The following ARHGAP17 variants were observed in gnomAD, a reference collection of about 807,000 sequenced individuals.
ARHGAP17 encodes rho GTPase-activating protein 17.
A neutral mutation model predicts 99.5 loss-of-function variants in ARHGAP17; 57 were observed. The ratio of observed to expected loss-of-function variants is 0.57; its 90% CI spans 0.46 to 0.71. The LOEUF (loss-of-function observed/expected upper bound fraction) is 0.71, where lower values mean the gene tolerates loss of function less well. Ranked by LOEUF, ARHGAP17 falls within the 30% of genes least tolerant of loss-of-function variation. The pLI is 0.00. For synonymous variants in ARHGAP17, 417 were observed against 429.6 expected, an observed-to-expected ratio of 0.97 and a Z score of 0.36; for missense variants, 1,000 against 1,122.4, an observed-to-expected ratio of 0.89 and a Z score of 1.56.
At chr16:24,951,073 G>A (rs1244878757) in intron 12 of ARHGAP17, among the ~76,000 whole-genome samples, 4 of 152,094 alleles carry the variant, frequency 2.6e-5, no homozygotes, top group Admixed American at 6.5e-5. Flanking sequence ...GAGAGGAGGG[G>A]AGTCAGCGCC....
Position 24,935,497 on chromosome 16 carries a change from C to T in ARHGAP17, c.1867G>A (p.Gly623Arg). 6.2e-7 allele frequency: 1 copy of T among 1,609,808 alleles called. No individual in the cohort carries two copies. The highest frequency in any genetic ancestry group is 8.5e-7 in the Non-Finnish European group (1 of 1,178,134). The change falls in exon 18 of 20, where the codon GGG (glycine) becomes AGG (arginine). Residue 623 changes from glycine (G) to arginine (R), a missense_variant. By Grantham distance (125) the Gly-to-Arg change is moderately radical. Coordinates refer to ENST00000289968, the MANE Select transcript of ARHGAP17 (RefSeq NM_001006634.3). Reference protein sequence around the residue: ...LSMGQPHNAAGPSPHTLRRAV... With the variant: ...LSMGQPHNAARPSPHTLRRAV... ...CGGCGCAGTGTATGCGGGCTGGGCC[C>T]TGCAGCATTGTGAGGTTGGCCCATG... is the stretch of plus-strand genomic sequence containing the variant.
intron 10 of ARHGAP17, among the ~76,000 whole-genome samples, chr16:24,953,798 A>G: frequency 6.6e-6 from 1 of 152,192 alleles, no homozygotes; most frequent in African/African-American, 2.4e-5. Context: ...GATGATCCAA[A>G]ATACCTCCAG....
chr16:24,947,378 C>T (rs764609398), intron 14 of ARHGAP17, 104 bp downstream of exon 14: 292 of 1,056,990 alleles, frequency 2.8e-4, no homozygotes, highest in Non-Finnish European at 3.9e-4. Flanking sequence ...TTCAGAATAC[C>T]TTGAATTGAT....
Position 24,953,024 on chromosome 16 carries a change from C to T in ARHGAP17, c.871G>A (p.Ala291Thr). The change falls in exon 11 of 20, where the codon GCT becomes ACT. Residue 291 changes from alanine to threonine, a missense_variant. This residue lies in a region of ARHGAP17 where 472 missense variants were observed against 611.1 expected (regional missense o/e 0.77). Transcript: ENST00000289968. ...MKEEGLFRIG[A>T]GASKLKKLKA... is the part of the protein sequence containing the mutation. The stretch of plus-strand genomic sequence containing the variant: ...AGCTTCTTTAACTTGGAGGCCCCAG[C>T]CCCAATTCGGAAAAGGCCCTAAAGA... The T allele has an allele frequency of 6.2e-7, 1 of 1,614,170 alleles. No homozygotes were observed. The highest frequency in any genetic ancestry group is 1.1e-5 in the South Asian group (1 of 91,072).
intron 1 of ARHGAP17, among the ~76,000 whole-genome samples, chr16:25,008,866 T>A (rs2053573201): frequency 6.6e-6 from 1 of 152,218 alleles, no homozygotes; most frequent in African/African-American, 2.4e-5. Flanking sequence ...AAAGAATGGA[T>A]TTTCACTCAA....
chr16:24,969,584 C>T (rs985375515), intron 4 of ARHGAP17, among the ~76,000 whole-genome samples: 1 of 152,164 alleles, frequency 6.6e-6, no homozygotes, highest in Non-Finnish European at 1.5e-5. Context: ...CTGATATGAC[C>T]TACCTCCTAG....
chr16:24,984,277 C>T (rs899455643), intron 1 of ARHGAP17, among the ~76,000 whole-genome samples: 1 of 152,178 alleles, frequency 6.6e-6, no homozygotes, highest in Non-Finnish European at 1.5e-5. Flanking sequence ...CTACCGTCCT[C>T]CTCCCTGCTA....
At chr16:24,952,128 T>A (rs572445190) in intron 12 of ARHGAP17, among the ~76,000 whole-genome samples, 161 bp downstream of exon 12, 1 of 152,222 alleles carries the variant, frequency 6.6e-6, no homozygotes. Flanking sequence ...TTATAATACT[T>A]GATATTTTTA....
intron 3 of ARHGAP17, among the ~76,000 whole-genome samples, chr16:24,971,473 T>A (rs2052360904): frequency 6.6e-6 from 1 of 152,002 alleles, no homozygotes; most frequent in Non-Finnish European, 1.5e-5. Flanking sequence ...ATTATGGGCA[T>A]GCACCACTTA....
chr16:24,956,412 G>A (rs1048353254), intron 9 of ARHGAP17: 5 of 152,218 alleles, frequency 3.3e-5, no homozygotes, highest in Non-Finnish European at 5.9e-5. Flanking sequence ...TACTGCAGGA[G>A]GCATGTAAAG....
chr16:24,978,343 T>C (rs35846380), intron 2 of ARHGAP17, among the ~76,000 whole-genome samples: 14 of 152,210 alleles, frequency 9.2e-5, no homozygotes, highest in Non-Finnish European at 2.1e-4. Context: ...TTAATATTCG[T>C]TGAGAGGGCC....
chr16:25,007,232 C>A (rs776670964), intron 1 of ARHGAP17, among the ~76,000 whole-genome samples: 2 of 152,150 alleles, frequency 1.3e-5, no homozygotes, highest in Non-Finnish European at 2.9e-5. Flanking sequence ...AAGTGCTTAT[C>A]AACTTCTTTA....
chr16:24,982,984 ATATATATATATATTTTTT>A (rs1367955715), intron 1 of ARHGAP17, among the ~76,000 whole-genome samples: 54 of 28,012 alleles, frequency 1.9e-3, no homozygotes, highest in African/African-American at 6.0e-3. Context: ...ATATATATAT[ATATATATATATATTTTTT>A]TTTTTTTTTT....
At position 24,920,371 on chromosome 16, in the gene ARHGAP17, C is replaced by A. The variant is rs977286304; in HGVS notation, c.2516-111G>T. On this transcript the variant is annotated intron_variant, in intron 19 of 19. Coordinates refer to ENST00000289968, the MANE Select transcript of ARHGAP17 (RefSeq NM_001006634.3). The stretch of plus-strand genomic sequence containing the variant: ...TGGGAAGTTTCAGGGTCAGCCCATG[C>A]ACACAGGGTCCCTTGCGAGAGGCCT... 10 of 1,356,926 alleles carry A rather than the reference C, an allele frequency of 7.4e-6. No homozygotes were observed. In the East Asian group the frequency reaches 2.4e-4, roughly 32 times the overall value. 84.1% of individuals were successfully genotyped at this position (1,356,926 alleles called of 1,614,324 possible).
At chr16:24,969,393 G>A (rs1248965937) in intron 4 of ARHGAP17, among the ~76,000 whole-genome samples, 5 of 152,088 alleles carry the variant, frequency 3.3e-5, no homozygotes, top group Admixed American at 2.0e-4. Flanking sequence ...CACGTTGCCT[G>A]GTGTGAGGTG....
chr16:24,962,990 A>C (rs1310471842), intron 7 of ARHGAP17, among the ~76,000 whole-genome samples: 1 of 152,194 alleles, frequency 6.6e-6, no homozygotes, highest in East Asian at 1.9e-4. Context: ...ATATTTTCTT[A>C]AGTTTTTACC....
At chr16:24,951,550 T>C (rs1597394639) in intron 12 of ARHGAP17, among the ~76,000 whole-genome samples, 1 of 152,154 alleles carries the variant, frequency 6.6e-6, no homozygotes, top group African/African-American at 2.4e-5. Flanking sequence ...ACAGATGAAC[T>C]GCCACCCCTG....
chr16:24,991,138 A>T (rs1417222355), intron 1 of ARHGAP17, among the ~76,000 whole-genome samples: 1 of 152,248 alleles, frequency 6.6e-6, no homozygotes, highest in Non-Finnish European at 1.5e-5. Flanking sequence ...CTCTGGAGTC[A>T]AACATACCAG....
chr16:25,004,802 G>C (rs2053461683), intron 1 of ARHGAP17, among the ~76,000 whole-genome samples: 1 of 152,220 alleles, frequency 6.6e-6, no homozygotes, highest in Non-Finnish European at 1.5e-5. Flanking sequence ...GAAAGGAGAG[G>C]AAGAGAGAAA....
Sources: gnomAD v4.1 joint callset for allele counts (sites outside exome capture counted in the v4.1 genomes callset) on GRCh38, gnomAD v4.1.1 for gene constraint, gnomAD v4.1.1 regional missense constraint, MANE v1.5 for transcripts, NCBI Gene and HGNC (gene_info 2026-07-23, HGNC 2026-07-21) for gene names.